The following SPON1 variants were observed in gnomAD, a reference collection of about 807,000 sequenced individuals.
The protein encoded by SPON1 is spondin-1.
SPON1 carries 52 observed loss-of-function variants against 111.7 expected under a neutral mutation model. That is an observed-to-expected ratio of 0.47 (90% CI 0.37 to 0.59). The LOEUF (loss-of-function observed/expected upper bound fraction) is 0.59, where lower values mean the gene tolerates loss of function less well. SPON1 is among the 20% of genes least tolerant of loss of function. The pLI, the probability that SPON1 is intolerant of heterozygous loss-of-function variation, is 0.00. For synonymous variants in SPON1, 410 were observed against 395.8 expected, an observed-to-expected ratio of 1.04 and a Z score of -0.43; for missense variants, 957 against 1,068.5, an observed-to-expected ratio of 0.90 and a Z score of 1.46.
chr11:14,210,075 G>A (rs545345235), intron 6 of SPON1, among the ~76,000 whole-genome samples: 2 of 152,108 alleles, frequency 1.3e-5, no homozygotes, highest in Non-Finnish European at 2.9e-5. Flanking sequence ...AGAAGTGTCT[G>A]TTCATATTCT....
At chr11:14,032,876 G>GATGTCCCA (rs1232428991) in intron 2 of SPON1, among the ~76,000 whole-genome samples, 4 of 152,000 alleles carry the variant, frequency 2.6e-5, no homozygotes, top group African/African-American at 9.7e-5. Flanking sequence ...TGCATATTTA[G>GATGTCCCA]ATGTCCCAAT....
At chr11:14,051,155 C>G (rs976902114) in intron 3 of SPON1, among the ~76,000 whole-genome samples, 7 of 152,104 alleles carry the variant, frequency 4.6e-5, no homozygotes, top group Non-Finnish European at 1.0e-4. Flanking sequence ...TAATCCCCAT[C>G]GTGATGGTAT....
intron 2 of SPON1, among the ~76,000 whole-genome samples, chr11:14,004,679 G>GT (rs1312654163): frequency 2.6e-5 from 4 of 152,128 alleles, no homozygotes; most frequent in South Asian, 2.1e-4. Context: ...TTTTAGTTGG[G>GT]TTTTTTTGTT....
intron 3 of SPON1, among the ~76,000 whole-genome samples, chr11:14,043,806 G>A (rs782449237): frequency 2.0e-5 from 3 of 152,206 alleles, no homozygotes; most frequent in African/African-American, 7.2e-5. Context: ...AACAATCAAC[G>A]TTATGTGTAC....
chr11:14,104,949 T>C (rs782429795), intron 5 of SPON1, among the ~76,000 whole-genome samples: 1 of 152,150 alleles, frequency 6.6e-6, no homozygotes, highest in Non-Finnish European at 1.5e-5. Flanking sequence ...ATGAAGTCCT[T>C]GTCTACTTAT....
chr11:14,124,560 G>C (rs1383666468), intron 5 of SPON1, among the ~76,000 whole-genome samples: 2 of 152,196 alleles, frequency 1.3e-5, no homozygotes, highest in Non-Finnish European at 2.9e-5. Flanking sequence ...TCAAGTCTGA[G>C]TCATCTCAGT....
chr11:14,005,398 C>CT, intron 2 of SPON1, among the ~76,000 whole-genome samples: 1 of 152,334 alleles, frequency 6.6e-6, no homozygotes, highest in South Asian at 2.1e-4. Context: ...TCTCCAAACT[C>CT]TGTCCTGTAA....
chr11:14,263,572 T>C (rs1276806200), intron 15 of SPON1, among the ~76,000 whole-genome samples: 1 of 152,120 alleles, frequency 6.6e-6, no homozygotes, highest in Non-Finnish European at 1.5e-5. Flanking sequence ...TTTCCCCAAA[T>C]AATATTGATC....
In SPON1 at chr11:13,976,996, C is replaced by T. The variant is rs182623023; in HGVS notation, c.239-5851C>T. ...GCCTGTCTTCTGTCACTTGAGATTA[C>T]GTTTGTGAGATTTATCCATGTTGCA... is the stretch of plus-strand genomic sequence containing the variant. On this transcript the variant is annotated intron_variant, in intron 1 of 15. Coordinates refer to ENST00000576479, the MANE Select transcript of SPON1 (RefSeq NM_006108.4). Among the ~76,000 whole-genome samples, 8 of 152,264 alleles carry T rather than the reference C, an allele frequency of 5.3e-5. No individual in the cohort carries two copies. The East Asian group carries it at 1.3e-3, about 26-fold the overall frequency.
chr11:14,002,384 A>G (rs1848326075), intron 2 of SPON1, among the ~76,000 whole-genome samples: 1 of 152,066 alleles, frequency 6.6e-6, no homozygotes, highest in African/African-American at 2.4e-5. Flanking sequence ...TGTGAATCTG[A>G]CACAAGTGCC....
chr11:14,097,568 G>GT (rs1849111304), intron 5 of SPON1, among the ~76,000 whole-genome samples: 1 of 152,040 alleles, frequency 6.6e-6, no homozygotes, highest in African/African-American at 2.4e-5. Context: ...TTTCCTAATA[G>GT]TTTTACCTAA....
chr11:14,096,604 C>T (rs1256598261), intron 5 of SPON1, among the ~76,000 whole-genome samples: 1 of 152,202 alleles, frequency 6.6e-6, no homozygotes, highest in Admixed American at 6.5e-5. Flanking sequence ...TGGTCCTCTT[C>T]CAGCAGCCAC....
At chr11:14,215,448 G>A (rs1217063880) in intron 6 of SPON1, among the ~76,000 whole-genome samples, 6 of 152,170 alleles carry the variant, frequency 3.9e-5, no homozygotes, top group African/African-American at 1.2e-4. Flanking sequence ...TGAAGGCAGG[G>A]ACTGGCAACT....
intron 6 of SPON1, among the ~76,000 whole-genome samples, chr11:14,206,635 C>T (rs1448730579): frequency 6.6e-6 from 1 of 151,876 alleles, no homozygotes; most frequent in African/African-American, 2.4e-5. Context: ...TCACAATTGC[C>T]ACAAAAAATA....
chr11:14,254,099 G>A (rs541822124), intron 7 of SPON1, among the ~76,000 whole-genome samples: 16 of 152,306 alleles, frequency 1.1e-4, no homozygotes, highest in African/African-American at 3.1e-4. Context: ...ACAGTCTGGC[G>A]CTGGACAGTG....
chr11:13,978,419 G>A lies in SPON1; in HGVS notation c.239-4428G>A, dbSNP rs76303866. 2.7e-3 allele frequency among the ~76,000 whole-genome samples: 405 copies of A among 152,218 alleles called. 1 individual carries two copies. Among genetic ancestry groups the A allele is most frequent in the African/African-American group, 9.3e-3 (387 of 41,530 alleles). On this transcript the variant is annotated intron_variant, in intron 1 of 15. Coordinates refer to ENST00000576479, the MANE Select transcript of SPON1 (RefSeq NM_006108.4). Reference sequence around the variant, plus strand: ...TTAATAGCACGTCAACTCCGCACTGGTCACTGTGCTGAGCTTAGATGGGTT... The same window carrying A: ...TTAATAGCACGTCAACTCCGCACTGATCACTGTGCTGAGCTTAGATGGGTT...
chr11:14,062,621 A>G (rs1554919982), intron 3 of SPON1, among the ~76,000 whole-genome samples: 1 of 152,242 alleles, frequency 6.6e-6, no homozygotes, highest in Non-Finnish European at 1.5e-5. Context: ...AACACTGTAC[A>G]TATTGATGCC....
intron 5 of SPON1, among the ~76,000 whole-genome samples, chr11:14,085,717 G>T (rs1254035723): frequency 1.3e-5 from 2 of 152,112 alleles, no homozygotes; most frequent in Non-Finnish European, 2.9e-5. Flanking sequence ...GAATAACATT[G>T]AATCTATAAA....
At chr11:14,072,556 G>A (rs186665086) in intron 3 of SPON1, among the ~76,000 whole-genome samples, 3 of 152,162 alleles carry the variant, frequency 2.0e-5, no homozygotes, top group Non-Finnish European at 2.9e-5. Context: ...GAGTTGAAGA[G>A]GTGTTCACAC....
Sources: gnomAD v4.1 joint callset for allele counts (sites outside exome capture counted in the v4.1 genomes callset) on GRCh38, gnomAD v4.1.1 for gene constraint, MANE v1.5 for transcripts, NCBI Gene and HGNC (gene_info 2026-07-23, HGNC 2026-07-21) for gene names.